The following SCEL variants were observed in gnomAD, a reference collection of about 807,000 sequenced individuals.
The protein encoded by SCEL is sciellin.
SCEL carries 113 observed loss-of-function variants against 117.6 expected under a neutral mutation model. That is an observed-to-expected ratio of 0.96 (90% confidence interval 0.83 to 1.12). The LOEUF is 1.12. Ranked by LOEUF, SCEL falls within the 50% of genes most tolerant of loss-of-function variation. The probability of loss-of-function intolerance (pLI) is 0.00; values close to 1 mark genes in which losing one functional copy is unlikely to be tolerated. For missense variants in SCEL, 785 were observed against 810.8 expected (o/e 0.97, Z 0.39); for synonymous variants, 270 against 256.2 (o/e 1.05, Z -0.51).
chr13:77,575,226 T>C (rs925162357), intron 9 of SCEL, among the ~76,000 whole-genome samples: 5 of 152,104 alleles, frequency 3.3e-5, no homozygotes, highest in Non-Finnish European at 7.4e-5. Flanking sequence ...ACAAGCCCAA[T>C]GTAAACCACA....
intron 24 of SCEL, among the ~76,000 whole-genome samples, chr13:77,615,191 T>C (rs1353251341): frequency 6.6e-6 from 1 of 152,018 alleles, no homozygotes; most frequent in Admixed American, 6.6e-5. Flanking sequence ...GGAGGAGATG[T>C]TTGGAGATGG....
chr13:77,554,275 G>T (rs139732214), intron 1 of SCEL, among the ~76,000 whole-genome samples: 15 of 152,310 alleles, frequency 9.8e-5, no homozygotes, highest in Non-Finnish European at 1.8e-4. Context: ...TCAGCAGGTT[G>T]TAGTGAGTGG....
chr13:77,591,464 C>T lies in SCEL; in HGVS notation c.692+4C>T, dbSNP rs779539242. 6.7e-7 allele frequency: 1 copy of T among 1,496,612 alleles called. No individual in the cohort carries two copies. Among genetic ancestry groups the T allele is most frequent in the South Asian group, 1.1e-5 (1 of 87,446 alleles). The allele number at this position is 1,496,612 out of a possible 1,614,324, so 92.7% of individuals were successfully genotyped here. A position where few individuals can be genotyped will look rare whatever the true frequency, so the allele number is the denominator to read the frequency against. ...GATCTGCTGAAAGAAATATAAGGTA[C>T]ACTGATTTCTATTTATATCTATGTA... is the stretch of plus-strand genomic sequence containing the variant. On this transcript the variant is annotated splice_donor_region_variant and intron_variant, in intron 11 of 32. Transcript: ENST00000349847.
chr13:77,555,116 T>TTG (rs762297055), intron 1 of SCEL, among the ~76,000 whole-genome samples: 6 of 151,748 alleles, frequency 4.0e-5, no homozygotes, highest in Non-Finnish European at 7.4e-5. Flanking sequence ...AATTTTAAAT[T>TTG]TGTGTGTGTG....
At chr13:77,550,848 T>C (rs557966142) in intron 1 of SCEL, among the ~76,000 whole-genome samples, 1 of 152,280 alleles carries the variant, frequency 6.6e-6, no homozygotes, top group Non-Finnish European at 1.5e-5. Flanking sequence ...TGTGGACATG[T>C]TTTTAACCAA....
intron 1 of SCEL, among the ~76,000 whole-genome samples, chr13:77,550,311 A>G (rs935441129): frequency 2.0e-5 from 3 of 151,572 alleles, no homozygotes; most frequent in Admixed American, 1.3e-4. Context: ...ACTTGAACCC[A>G]GGAGGCAGAG....
intron 27 of SCEL, among the ~76,000 whole-genome samples, chr13:77,623,989 A>G (rs926225461): frequency 6.6e-6 from 1 of 152,080 alleles, no homozygotes; most frequent in Non-Finnish European, 1.5e-5. Context: ...GAAGTCCAAG[A>G]TCAAGCTGTC....
At chr13:77,555,941 C>A (rs747135720) in intron 2 of SCEL, 23 bp downstream of exon 2, 4 of 1,606,108 alleles carry the variant, frequency 2.5e-6, no homozygotes, top group African/African-American at 2.7e-5. Context: ...ATGTTTCTCT[C>A]ACTCAGAAAA....
At chr13:77,567,272 G>A (rs1212883384) in intron 5 of SCEL, among the ~76,000 whole-genome samples, 1 of 152,084 alleles carries the variant, frequency 6.6e-6, no homozygotes, top group African/African-American at 2.4e-5. Flanking sequence ...TGGCCAACAT[G>A]GTGAAACCTC....
intron 28 of SCEL, 52 bp from the exon 29 acceptor site, chr13:77,634,327 A>G: frequency 1.4e-6 from 2 of 1,415,838 alleles, no homozygotes; most frequent in Non-Finnish European, 2.0e-6. Flanking sequence ...CCTTGTTTTT[A>G]TTATCCTTGC....
chr13:77,616,002 C>CTG (rs1272729598), intron 24 of SCEL, among the ~76,000 whole-genome samples: 8,394 of 141,644 alleles, frequency 0.059, 253 homozygotes, highest in South Asian at 0.11. Context: ...ATTTATGTCT[C>CTG]TCTGTGTGTG....
chr13:77,549,295 T>A (rs1482849692), intron 1 of SCEL, among the ~76,000 whole-genome samples: 1 of 152,218 alleles, frequency 6.6e-6, no homozygotes, highest in East Asian at 1.9e-4. Flanking sequence ...TTGACTTGCA[T>A]TTCTTTGATG....
At chr13:77,614,670 GC>G (rs1208963743) in intron 24 of SCEL, among the ~76,000 whole-genome samples, 1 of 151,992 alleles carries the variant, frequency 6.6e-6, no homozygotes, top group Non-Finnish European at 1.5e-5. Context: ...AGATATCTTG[GC>G]CCAGTAGTTT....
chr13:77,640,388 A>G (rs1038518254), intron 30 of SCEL, among the ~76,000 whole-genome samples: 1 of 152,166 alleles, frequency 6.6e-6, no homozygotes, highest in African/African-American at 2.4e-5. Flanking sequence ...TTCCTAATTC[A>G]ATTAGGAAAC....
At position 77,637,149 on chromosome 13, in the gene SCEL, A is replaced by C. The variant is rs1477097476; in HGVS notation, c.1793A>C (p.Asn598Thr). The C allele has an allele frequency of 1.3e-6, 2 of 1,558,394 alleles. No individual in the cohort carries two copies. Among genetic ancestry groups the C allele is most frequent in the Non-Finnish European group, 1.7e-6 (2 of 1,152,600 alleles). The change falls in exon 30 of 33, where the codon AAT (asparagine) becomes ACT (threonine). Residue 598 changes from asparagine to threonine, a missense_variant. Transcript: ENST00000349847. ...TCACCCAAGGATGGATATCAGGAGA[A>C]TATCTCTGGAAAATACATACAAACT... ...SKSPKDGYQE[N>T]ISGKYIQTVY...
chr13:77,622,790 A>G (rs2089493855), intron 27 of SCEL, among the ~76,000 whole-genome samples: 1 of 152,184 alleles, frequency 6.6e-6, no homozygotes, highest in Non-Finnish European at 1.5e-5. Flanking sequence ...TGAGTCCAGG[A>G]GTTCGAGACT....
chr13:77,586,962 T>C (rs2086600435), intron 9 of SCEL, among the ~76,000 whole-genome samples: 1 of 152,168 alleles, frequency 6.6e-6, no homozygotes, highest in Non-Finnish European at 1.5e-5. Flanking sequence ...TAGAAAAGTT[T>C]CTGGCACATA....
At chr13:77,571,480 G>A (rs2154397625) in intron 8 of SCEL, among the ~76,000 whole-genome samples, 1 of 152,008 alleles carries the variant, frequency 6.6e-6, no homozygotes, top group Admixed American at 6.6e-5. Flanking sequence ...CCTGAGGTCG[G>A]GAGTTCGAGA....
chr13:77,636,973 T>C (rs1358765880), intron 29 of SCEL, 147 bp from the exon 30 acceptor site: 2 of 442,116 alleles, frequency 4.5e-6, no homozygotes, highest in Non-Finnish European at 8.1e-6. Flanking sequence ...TTCTACAGAT[T>C]AAAAAAATGT....
Sources: gnomAD v4.1 joint callset for allele counts (sites outside exome capture counted in the v4.1 genomes callset) on GRCh38, gnomAD v4.1.1 for gene constraint, MANE v1.5 for transcripts, NCBI Gene and HGNC (gene_info 2026-07-23, HGNC 2026-07-21) for gene names.